The following PCM1 variants were observed in gnomAD, a reference collection of about 807,000 sequenced individuals.
PCM1 encodes pericentriolar material 1.
A neutral mutation model predicts 241.9 loss-of-function variants in PCM1; 157 were observed. The observed-to-expected ratio is 0.65, with a 90% CI of 0.57 to 0.74. The LOEUF is 0.74. Among genes scored for constraint, PCM1 ranks in the 30% least tolerant of loss-of-function variants. The probability of loss-of-function intolerance (pLI) is 0.00; values close to 1 mark genes in which losing one functional copy is unlikely to be tolerated. For synonymous variants in PCM1, 1,085 were observed against 784.9 expected (o/e 1.38, Z -6.39); for missense variants, 3,478 against 2,360.1 (o/e 1.47, Z -9.81).
In PCM1 at chr8:17,991,683, C is replaced by T. The variant is rs1241299705; in HGVS notation, c.4673C>T (p.Thr1558Ile). 6.4e-7 allele frequency: 1 copy of T among 1,551,486 alleles called. No homozygotes were observed. Among genetic ancestry groups the T allele is most frequent in the Non-Finnish European group, 8.7e-7 (1 of 1,147,384 alleles). Residue 1558 changes from threonine to isoleucine, a missense_variant, in exon 28 of 39, where the codon ACA becomes ATA. Physicochemically the swap from Thr to Ile is moderately conservative, Grantham distance 89. Coordinates refer to ENST00000325083, the MANE Select transcript of PCM1 (RefSeq NM_006197.4). ...EDGDGAGAGT[T>I]VNNLEETPVI... Reference sequence around the variant, plus strand: ...GGAGATGGTGCTGGTGCAGGTACTACAGTTAATAATTTAGAAGGTATATAT... The same window carrying T: ...GGAGATGGTGCTGGTGCAGGTACTATAGTTAATAATTTAGAAGGTATATAT...
chr8:17,952,503 A>G (rs906649346), intron 8 of PCM1, among the ~76,000 whole-genome samples: 2 of 152,202 alleles, frequency 1.3e-5, no homozygotes, highest in Non-Finnish European at 2.9e-5. Context: ...TTCCACATCC[A>G]TGGATTCAAC....
At chr8:17,944,033 CCTT>C (rs1449906314) in intron 6 of PCM1, among the ~76,000 whole-genome samples, 1 of 152,118 alleles carries the variant, frequency 6.6e-6, no homozygotes, top group Non-Finnish European at 1.5e-5. Context: ...CAAAAGAAAG[CCTT>C]CTACGAGTAG....
intron 29 of PCM1, among the ~76,000 whole-genome samples, chr8:18,003,893 T>G (rs2090431546): frequency 6.6e-6 from 1 of 152,168 alleles, no homozygotes; most frequent in African/African-American, 2.4e-5. Flanking sequence ...TAGTTAATGC[T>G]TGCTTTCATC....
Position 18,025,578 on chromosome 8 carries a change from A to T in PCM1, c.5969A>T (p.Gln1990Leu), listed in dbSNP as rs1394940206. ...DLRKKMVEEE[Q>L]KNHLSGEICE... ...AGAAAGAAAATGGTAGAAGAAGAAC[A>T]GAAAAACCATTTATCTGGTGAAATA... is the stretch of plus-strand genomic sequence containing the variant. The change falls in exon 38 of 39, where the codon CAG becomes CTG. Residue 1990 changes from glutamine (Q) to leucine (L), a missense_variant. Coordinates refer to ENST00000325083, the MANE Select transcript of PCM1 (RefSeq NM_006197.4). 6.3e-7 allele frequency: 1 copy of T among 1,584,834 alleles called. No individual in the cohort carries two copies. The highest frequency in any genetic ancestry group is 1.2e-5 in the South Asian group (1 of 85,120).
chr8:17,936,635 A>G (rs1421369009), intron 3 of PCM1, among the ~76,000 whole-genome samples: 1 of 152,258 alleles, frequency 6.6e-6, no homozygotes. Flanking sequence ...TATTTTAGAG[A>G]TTAGGAAACT....
At chr8:17,973,447 G>A (rs998711508) in intron 23 of PCM1, among the ~76,000 whole-genome samples, 11 of 152,138 alleles carry the variant, frequency 7.2e-5, no homozygotes, top group African/African-American at 2.6e-4. Flanking sequence ...GGCTAGTTGC[G>A]GTGGCTCATG....
chr8:17,950,181 A>G (rs1016257993), intron 7 of PCM1, among the ~76,000 whole-genome samples: 5 of 152,306 alleles, frequency 3.3e-5, no homozygotes, highest in South Asian at 2.1e-4. Context: ...CATATTTACT[A>G]TTTCAACCTT....
chr8:17,986,958 T>G (rs2082810296), intron 26 of PCM1, among the ~76,000 whole-genome samples: 1 of 151,818 alleles, frequency 6.6e-6, no homozygotes. Context: ...TCTCAAAGGA[T>G]TGTCTTTCCT....
intron 9 of PCM1, among the ~76,000 whole-genome samples, chr8:17,954,003 T>G (rs1464778198): frequency 3.3e-5 from 5 of 152,190 alleles, no homozygotes; most frequent in African/African-American, 1.2e-4. Flanking sequence ...CTCCTTTTCC[T>G]TTTCCACCCA....
intron 29 of PCM1, among the ~76,000 whole-genome samples, chr8:18,003,721 C>G (rs1160772179): frequency 4.6e-5 from 7 of 151,892 alleles, no homozygotes; most frequent in Non-Finnish European, 4.4e-5. Context: ...TCAGTTTTAC[C>G]AAGTGTTTTG....
intron 36 of PCM1, among the ~76,000 whole-genome samples, chr8:18,018,960 T>G (rs2093534232): frequency 1.8e-5 from 1 of 56,562 alleles, no homozygotes; most frequent in Non-Finnish European, 4.2e-5. Context: ...TGTTCAAGAC[T>G]TAAACATACA....
intron 8 of PCM1, among the ~76,000 whole-genome samples, chr8:17,951,372 G>GTT (rs1563837382): frequency 6.6e-6 from 1 of 152,186 alleles, no homozygotes; most frequent in Non-Finnish European, 1.5e-5. Context: ...ACTTTGGAGA[G>GTT]TTATATAGCA....
intron 22 of PCM1, among the ~76,000 whole-genome samples, chr8:17,971,166 A>G (rs2076723663): frequency 2.0e-5 from 3 of 152,164 alleles, no homozygotes; most frequent in South Asian, 4.1e-4. Flanking sequence ...TTTTTCTTCC[A>G]ACTATTTAAG....
At chr8:17,973,814 G>C (rs981132517) in intron 23 of PCM1, among the ~76,000 whole-genome samples, 4 of 152,002 alleles carry the variant, frequency 2.6e-5, no homozygotes, top group Admixed American at 2.6e-4. Flanking sequence ...TCCCTTTCTT[G>C]GAAGTTCACA....
intron 17 of PCM1, among the ~76,000 whole-genome samples, chr8:17,964,298 A>G (rs555789004): frequency 1.8e-4 from 27 of 152,270 alleles, no homozygotes; most frequent in South Asian, 6.2e-4. Flanking sequence ...GCAAATGTTA[A>G]GGGTAGTTTA....
chr8:18,018,857 T>TACACACAC (rs1318394786), intron 36 of PCM1, among the ~76,000 whole-genome samples: 1,464 of 30,610 alleles, frequency 0.048, 22 homozygotes, highest in Non-Finnish European at 0.097. Flanking sequence ...TGTGTGTATA[T>TACACACAC]ATATATATAT....
intron 7 of PCM1, among the ~76,000 whole-genome samples, chr8:17,949,803 G>A (rs1372007962): frequency 1.3e-5 from 2 of 152,100 alleles, no homozygotes; most frequent in African/African-American, 2.4e-5. Context: ...GGCCACCAAT[G>A]TCTGTTTTAG....
In PCM1 at chr8:17,939,695, T is replaced by G. The variant is rs2061476764; in HGVS notation, c.617T>G (p.Val206Gly). Residue 206 changes from valine to glycine, a missense_variant, in exon 6 of 39, where the codon GTA (valine) becomes GGA (glycine). Coordinates refer to ENST00000325083, the MANE Select transcript of PCM1 (RefSeq NM_006197.4). ...AAAAAAATATTTCCCCTGCAGATTG[T>G]AAGCAGGCTTGTTCAAATTCGCGAT... is the stretch of plus-strand genomic sequence containing the variant. ...GEPAMESSQI[V>G]SRLVQIRDYI... 2 of 1,513,442 alleles carry G rather than the reference T, an allele frequency of 1.3e-6. No homozygotes were observed. The highest frequency in any genetic ancestry group is 1.8e-6 in the Non-Finnish European group (2 of 1,127,872). The allele number at this position is 1,513,442 out of a possible 1,614,324, so 93.8% of individuals were successfully genotyped here.
intron 32 of PCM1, 78 bp from the exon 33 acceptor site, chr8:18,011,159 A>G: frequency 1.1e-6 from 1 of 919,186 alleles, no homozygotes; most frequent in Non-Finnish European, 1.5e-6. Context: ...AATGATCATT[A>G]TTAATACGAT....
Sources: gnomAD v4.1 joint callset for allele counts (sites outside exome capture counted in the v4.1 genomes callset) on GRCh38, gnomAD v4.1.1 for gene constraint, MANE v1.5 for transcripts, NCBI Gene and HGNC (gene_info 2026-07-23, HGNC 2026-07-21) for gene names.